The following SEC16B variants were observed in gnomAD, a reference collection of about 807,000 sequenced individuals.
SEC16B encodes SEC16 homolog B, endoplasmic reticulum export factor, also known as protein transport protein Sec16B.
SEC16B carries 115 observed loss-of-function variants against 141.8 expected under a neutral mutation model. The ratio of observed to expected loss-of-function variants is 0.81; its 90% CI spans 0.70 to 0.95. The LOEUF is 0.95. Among genes scored for constraint, SEC16B ranks in the 40% least tolerant of loss-of-function variants. The pLI, the probability that SEC16B is intolerant of heterozygous loss-of-function variation, is 0.00. For synonymous variants in SEC16B, 493 were observed against 492.5 expected, an observed-to-expected ratio of 1.00 and a Z score of -0.01; for missense variants, 1,291 against 1,312.3, an observed-to-expected ratio of 0.98 and a Z score of 0.25.
chr1:177,957,626 C>T (rs1652708882), intron 10 of SEC16B, among the ~76,000 whole-genome samples: 1 of 152,078 alleles, frequency 6.6e-6, no homozygotes, highest in African/African-American at 2.4e-5. Context: ...AATGGGGCAT[C>T]CATCCCCTCA....
rs1557963815 is a variant in SEC16B, at chr1:177,930,600, G to A, written c.3056C>T (p.Pro1019Leu). 2.5e-6 allele frequency: 4 copies of A among 1,613,820 alleles called. No individual in the cohort carries two copies. In the South Asian group the frequency reaches 4.4e-5, roughly 18 times the overall value. Residue 1019 changes from proline to leucine, a missense_variant, in exon 25 of 26, where the codon CCT becomes CTT. This residue lies in a region of SEC16B where 605 missense variants were observed against 614.1 expected (regional missense o/e 0.99). Transcript: ENST00000308284. ...ELCSNPGVLL[P>L]PPALKGAVPL... ...AACAGCCCCTTTTAAGGCAGGTGGA[G>A]GAAGAAGAACACCAGGGTTGGAGCA...
chr1:177,964,219 C>T lies in SEC16B; in HGVS notation c.594G>A (p.Pro198=), dbSNP rs374687099. 62 of 1,613,650 alleles carry T rather than the reference C, an allele frequency of 3.8e-5. No homozygotes were observed. The East Asian group carries it at 6.9e-4, about 18-fold the overall frequency. Residue 198 remains proline, a synonymous_variant, in exon 5 of 26, where the codon CCG becomes CCA. Coordinates refer to ENST00000308284, the MANE Select transcript of SEC16B (RefSeq NM_033127.4). ...GCAGGCTCCCTGGAAACAGCTCCCC[C>T]GGCCACTCCTGTCCAGAGTTGGAAG... is the stretch of plus-strand genomic sequence containing the variant. ...SPASNSGQEW[P]GELFPGSLLA...
At chr1:177,935,579 TG>T (rs1433306474) in intron 20 of SEC16B, among the ~76,000 whole-genome samples, 1 of 151,996 alleles carries the variant, frequency 6.6e-6, no homozygotes, top group Non-Finnish European at 1.5e-5. Context: ...ATATTCTGAC[TG>T]TTGGATTGAA....
At chr1:177,967,570 G>T in intron 2 of SEC16B, 113 bp downstream of exon 2, 2 of 1,128,408 alleles carry the variant, frequency 1.8e-6, no homozygotes, top group Non-Finnish European at 2.5e-6. Context: ...GTAAGGTAGA[G>T]AAGGAAAAAG....
Position 177,967,815 on chromosome 1 carries a change from G to A in SEC16B, c.167C>T (p.Pro56Leu), listed in dbSNP as rs1653666336. Residue 56 changes from proline to leucine, a missense_variant, in exon 2 of 26, where the codon CCC (proline) becomes CTC (leucine). Transcript: ENST00000308284. ...FHQWQDNRGS[P>L]QPQQEPRADH... ...TGCCCTGGGCTCCTGCTGTGGCTGGGGGCTCCCACGGTTGTCTTGCCATTG... is the reference window on the plus strand; with the variant it reads ...TGCCCTGGGCTCCTGCTGTGGCTGGAGGCTCCCACGGTTGTCTTGCCATTG... 1.2e-6 allele frequency: 2 copies of A among 1,613,870 alleles called. No homozygotes were observed. Among genetic ancestry groups the A allele is most frequent in the South Asian group, 1.1e-5 (1 of 91,088 alleles).
chr1:177,968,127 A>G (rs753787417), intron 1 of SEC16B, 88 bp from the exon 2 acceptor site: 3 of 738,616 alleles, frequency 4.1e-6, no homozygotes, highest in Admixed American at 5.9e-5. Context: ...AAGAGCAGCT[A>G]TGGTCCTCGA....
At chr1:177,967,490 G>A (rs1452972948) in intron 2 of SEC16B, among the ~76,000 whole-genome samples, 193 bp downstream of exon 2, 2 of 152,012 alleles carry the variant, frequency 1.3e-5, no homozygotes, top group African/African-American at 2.4e-5. Flanking sequence ...GGGAAAAACA[G>A]GAGAGAAATA....
chr1:177,941,492 T>C (rs1417362091), intron 16 of SEC16B, among the ~76,000 whole-genome samples: 1 of 152,240 alleles, frequency 6.6e-6, no homozygotes, highest in Admixed American at 6.5e-5. Context: ...GTACCTCACA[T>C]GTGACAAAAT....
At chr1:177,964,339 A>T in intron 4 of SEC16B, 60 bp from the exon 5 acceptor site, 1 of 1,261,994 alleles carries the variant, frequency 7.9e-7, no homozygotes, top group African/African-American at 1.5e-5. Context: ...AGGCTGAGGC[A>T]CTCTCCGCCG....
intron 1 of SEC16B, among the ~76,000 whole-genome samples, chr1:177,980,499 G>C (rs1329412126): frequency 6.6e-6 from 1 of 152,068 alleles, no homozygotes; most frequent in African/African-American, 2.4e-5. Context: ...CAAGAAACAG[G>C]TGGGAACCCA....
At position 177,983,869 on chromosome 1, in the gene SEC16B, T is replaced by C. The variant is rs569049874; in HGVS notation, c.-59+337A>G. Among the ~76,000 whole-genome samples the C allele has an allele frequency of 2.6e-4, 39 of 152,360 alleles. 1 individual carries two copies. Among genetic ancestry groups the C allele is most frequent in the African/African-American group, 9.4e-4 (39 of 41,588 alleles). On this transcript the variant is annotated intron_variant and NMD_transcript_variant, in intron 1 of 24. Transcript: ENST00000528461. ...ATAATCAAACCTGCCTAAAGTTTTT[T>C]AGTAAGTTGAAATCACGTGTTCTTT...
chr1:177,955,536 G>A (rs1013131778), intron 10 of SEC16B, among the ~76,000 whole-genome samples: 5 of 151,948 alleles, frequency 3.3e-5, no homozygotes, highest in Admixed American at 6.6e-5. Flanking sequence ...TTGTAGAGAC[G>A]GGGTTTCTCC....
intron 20 of SEC16B, among the ~76,000 whole-genome samples, chr1:177,935,349 C>A (rs570215879): frequency 6.6e-6 from 1 of 152,162 alleles, no homozygotes; most frequent in Admixed American, 6.5e-5. Context: ...AATAGCGCTA[C>A]TTTCATAAAA....
chr1:177,944,694 G>C, intron 14 of SEC16B, 28 bp from the exon 15 acceptor site: 1 of 1,582,386 alleles, frequency 6.3e-7, no homozygotes, highest in Non-Finnish European at 8.7e-7. Context: ...CAATAAAAGA[G>C]ATTGAGGTGT....
intron 12 of SEC16B, among the ~76,000 whole-genome samples, chr1:177,951,632 C>A (rs1652197873): frequency 6.6e-6 from 1 of 152,202 alleles, no homozygotes; most frequent in African/African-American, 2.4e-5. Flanking sequence ...CTGGACAGAT[C>A]CTGACCCCAC....
At chr1:177,957,404 A>G (rs1652693130) in intron 10 of SEC16B, among the ~76,000 whole-genome samples, 1 of 152,200 alleles carries the variant, frequency 6.6e-6, no homozygotes, top group Non-Finnish European at 1.5e-5. Flanking sequence ...TAAGTTTAAA[A>G]AGAGAAATAA....
At chr1:177,948,057 C>G (rs1428245588) in intron 12 of SEC16B, 115 bp from the exon 13 acceptor site, 2 of 818,490 alleles carry the variant, frequency 2.4e-6, no homozygotes, top group African/African-American at 3.4e-5. Flanking sequence ...CCCACTCTAC[C>G]ACCTGCAATG....
intron 24 of SEC16B, among the ~76,000 whole-genome samples, 158 bp downstream of exon 24, chr1:177,932,332 G>T (rs751470795): frequency 1.3e-5 from 2 of 152,176 alleles, no homozygotes; most frequent in Non-Finnish European, 2.9e-5. Flanking sequence ...CTGAGCCTCT[G>T]TTCTGTGGTA....
chr1:177,932,512 A>C lies in SEC16B; in HGVS notation c.2990T>G (p.Val997Gly). The C allele has an allele frequency of 6.4e-7, 1 of 1,550,684 alleles. No individual in the cohort carries two copies. The highest frequency in any genetic ancestry group is 8.7e-7 in the Non-Finnish European group (1 of 1,147,514). ...SSGGAAAGAG[V>G]GGLSGPESVS... ...TACCTCTGGTCCAGACAAGCCTCCA[A>C]CCCCAGCGCCCGCAGCTGCTCCCCC... The change falls in exon 24 of 26, where the codon GTT (valine) becomes GGT (glycine). Residue 997 changes from valine to glycine, a missense_variant. Coordinates refer to ENST00000308284, the MANE Select transcript of SEC16B (RefSeq NM_033127.4).
Sources: gnomAD v4.1 joint callset for allele counts (sites outside exome capture counted in the v4.1 genomes callset) on GRCh38, gnomAD v4.1.1 for gene constraint, gnomAD v4.1.1 regional missense constraint, MANE v1.5 for transcripts, NCBI Gene and HGNC (gene_info 2026-07-23, HGNC 2026-07-21) for gene names.